IQSEC1: variants seen among roughly 807,000 people sequenced by gnomAD.
The protein encoded by IQSEC1 is IQ motif and SEC7 domain-containing protein 1.
A neutral mutation model predicts 91.0 loss-of-function variants in IQSEC1; 31 were observed. The observed-to-expected ratio is 0.34, with a 90% confidence interval of 0.26 to 0.46. The LOEUF (loss-of-function observed/expected upper bound fraction) is 0.46, where lower values mean the gene tolerates loss of function less well. Ranked by LOEUF, IQSEC1 falls within the 20% of genes least tolerant of loss-of-function variation. IQSEC1 has a pLI of 1.00. For synonymous variants in IQSEC1, 699 were observed against 662.6 expected (o/e 1.05, Z -0.84); for missense variants, 1,388 against 1,575.6 (o/e 0.88, Z 2.02).
intron 2 of IQSEC1, among the ~76,000 whole-genome samples, chr3:13,081,445 C>A (rs551058573): frequency 6.6e-6 from 1 of 151,904 alleles, no homozygotes; most frequent in Non-Finnish European, 1.5e-5. Flanking sequence ...ATTTTTAAAT[C>A]GTTTATAGAG....
chr3:13,187,466 T>C (rs919616627), intron 1 of IQSEC1, among the ~76,000 whole-genome samples: 3 of 152,364 alleles, frequency 2.0e-5, no homozygotes, highest in Middle Eastern at 3.4e-3. Flanking sequence ...TATCATGGAA[T>C]ACAAATTTTT....
chr3:12,984,747 T>C (rs957515964), intron 1 of IQSEC1, among the ~76,000 whole-genome samples: 3 of 151,598 alleles, frequency 2.0e-5, no homozygotes, highest in African/African-American at 7.3e-5. Context: ...AGAGAAAACA[T>C]GTTAGCCAGA....
intron 2 of IQSEC1, among the ~76,000 whole-genome samples, chr3:13,124,002 G>A (rs1706469560): frequency 6.6e-6 from 1 of 152,242 alleles, no homozygotes; most frequent in African/African-American, 2.4e-5. Context: ...ACAGCTTTGA[G>A]AACAACAGCG....
At chr3:13,053,015 C>T in intron 1 of IQSEC1, 2 of 1,190,306 alleles carry the variant, frequency 1.7e-6, no homozygotes, top group East Asian at 2.3e-5. Flanking sequence ...TGGAGTTGTG[C>T]CTGATTTTAT....
chr3:13,032,626 C>G (rs1442407778), intron 1 of IQSEC1, among the ~76,000 whole-genome samples: 2 of 151,824 alleles, frequency 1.3e-5, no homozygotes, highest in East Asian at 3.9e-4. Context: ...CTCTGTCGCC[C>G]AGGCTGGAGT....
chr3:13,042,901 C>T (rs1307974356), intron 1 of IQSEC1, among the ~76,000 whole-genome samples: 1 of 152,182 alleles, frequency 6.6e-6, no homozygotes, highest in Non-Finnish European at 1.5e-5. Flanking sequence ...GACAGGCAAA[C>T]ACTGGCCTCT....
intron 1 of IQSEC1, among the ~76,000 whole-genome samples, chr3:13,019,659 A>G (rs566398307): frequency 3.3e-5 from 5 of 152,302 alleles, no homozygotes; most frequent in Admixed American, 2.6e-4. Context: ...TTGGAGCCCA[A>G]GGCCCATCCT....
intron 2 of IQSEC1, among the ~76,000 whole-genome samples, chr3:13,091,100 T>C (rs1705852654): frequency 6.6e-6 from 1 of 152,184 alleles, no homozygotes; most frequent in African/African-American, 2.4e-5. Flanking sequence ...GAGAGGTTTG[T>C]AAAGACTTCT....
At position 12,979,574 on chromosome 3, in the gene IQSEC1, G is replaced by A. The variant is rs115261729; in HGVS notation, c.24-37709C>T. 6.8e-3 allele frequency among the ~76,000 whole-genome samples: 1,034 copies of A among 152,326 alleles called. 16 individuals carry two copies. Among genetic ancestry groups the A allele is most frequent in the African/African-American group, 0.024 (977 of 41,564 alleles). Reference sequence around the variant, plus strand: ...GGAGGGGAATGGGACGTGGAAGGGCGTGGCGCATAGCTCACTGTGTACCCT... The same window carrying A: ...GGAGGGGAATGGGACGTGGAAGGGCATGGCGCATAGCTCACTGTGTACCCT... On this transcript the variant is annotated intron_variant, in intron 1 of 13. Transcript: ENST00000613206. The surrounding 1 kb of genome is among the most constrained non-coding windows in gnomAD (Gnocchi z 4.3).
At chr3:13,145,652 G>A (rs1706877317) in intron 2 of IQSEC1, among the ~76,000 whole-genome samples, 1 of 152,170 alleles carries the variant, frequency 6.6e-6, no homozygotes, top group African/African-American at 2.4e-5. Context: ...GCGGAGCGGG[G>A]TGGGCAAAGG....
intron 2 of IQSEC1, among the ~76,000 whole-genome samples, chr3:13,141,446 T>C (rs1706798659): frequency 6.6e-6 from 1 of 152,196 alleles, no homozygotes. Context: ...TCTGTGTCTG[T>C]TCTTGTGTTC....
Position 12,908,686 on chromosome 3 carries a change from A to G in IQSEC1, c.2579-161T>C, listed in dbSNP as rs987593548. ...GAGGGTGTGATGGCCACCCTGGACAAAAGAGCAGAAAGGAGATCCCAGGAG... is the reference window on the plus strand; with the variant it reads ...GAGGGTGTGATGGCCACCCTGGACAGAAGAGCAGAAAGGAGATCCCAGGAG... On this transcript the variant is annotated intron_variant, in intron 11 of 13. Transcript: ENST00000613206. This position sits in a 1 kb window ranked among gnomAD's most constrained non-coding sequence, Gnocchi z 4.9. Among the ~76,000 whole-genome samples the G allele has an allele frequency of 6.6e-6, 1 of 151,840 alleles. No homozygotes were observed. The highest frequency in any genetic ancestry group is 2.4e-5 in the African/African-American group (1 of 41,302).
chr3:13,185,657 TAGA>T (rs1370313877), intron 1 of IQSEC1, among the ~76,000 whole-genome samples: 1 of 152,194 alleles, frequency 6.6e-6, no homozygotes, highest in Non-Finnish European at 1.5e-5. Context: ...TTGCTGTAGC[TAGA>T]AGGACTATGG....
chr3:13,012,853 G>A (rs2124922303), intron 1 of IQSEC1, among the ~76,000 whole-genome samples: 1 of 152,048 alleles, frequency 6.6e-6, no homozygotes, highest in South Asian at 2.1e-4. Context: ...TCTGTCACTT[G>A]CTACTAAGAC....
intron 1 of IQSEC1, among the ~76,000 whole-genome samples, chr3:13,205,565 C>T (rs1326253407): frequency 6.8e-6 from 1 of 148,122 alleles, no homozygotes; most frequent in Non-Finnish European, 1.5e-5. Context: ...CCTTCCCTCC[C>T]TCTACTGATC....
At chr3:13,072,473 C>G (rs1270322725) in intron 1 of IQSEC1, among the ~76,000 whole-genome samples, 1 of 152,228 alleles carries the variant, frequency 6.6e-6, no homozygotes, top group African/African-American at 2.4e-5. Flanking sequence ...CTGCTGCCAG[C>G]CCACAGAACA....
chr3:12,985,212 G>T (rs1324894260), intron 1 of IQSEC1, among the ~76,000 whole-genome samples: 1 of 152,206 alleles, frequency 6.6e-6, no homozygotes, highest in Admixed American at 6.5e-5. Context: ...GCTGGGTGAG[G>T]TATGGCTTGC....
At chr3:13,253,502 C>T (rs1396065007) in intron 1 of IQSEC1, among the ~76,000 whole-genome samples, 3 of 152,146 alleles carry the variant, frequency 2.0e-5, no homozygotes, top group African/African-American at 7.2e-5. Flanking sequence ...AATGAAGCTT[C>T]GGTAATACTC....
At chr3:13,154,204 G>C (rs548355642) in intron 2 of IQSEC1, among the ~76,000 whole-genome samples, 2 of 151,460 alleles carry the variant, frequency 1.3e-5, no homozygotes, top group African/African-American at 4.8e-5. Context: ...AATCTTATCT[G>C]ACTGGTGGAA....
Sources: allele counts gnomAD v4.1 joint callset (sites outside exome capture counted in the v4.1 genomes callset), GRCh38; gene constraint gnomAD v4.1.1; non-coding constraint Gnocchi (gnomAD v3.1); transcripts MANE v1.5; gene names NCBI Gene and HGNC (gene_info 2026-07-23, HGNC 2026-07-21).